The following APOBEC3G variants were observed in gnomAD, a reference collection of about 807,000 sequenced individuals.
APOBEC3G encodes the protein apolipoprotein B mRNA editing enzyme catalytic subunit 3G, also known as DNA dC->dU-editing enzyme APOBEC-3G.
APOBEC3G carries 44 observed loss-of-function variants against 50.0 expected under a neutral mutation model. The observed-to-expected ratio is 0.88, with a 90% CI of 0.69 to 1.13. The LOEUF is 1.13. Ranked by LOEUF, APOBEC3G falls within the 50% of genes most tolerant of loss-of-function variation. The pLI is 0.00. For synonymous variants in APOBEC3G, 156 were observed against 175.3 expected, an observed-to-expected ratio of 0.89 and a Z score of 0.87; for missense variants, 469 against 492.0, an observed-to-expected ratio of 0.95 and a Z score of 0.44.
intron 3 of APOBEC3G, 79 bp downstream of exon 3, chr22:39,081,306 G>T: frequency 6.4e-7 from 1 of 1,573,526 alleles, no homozygotes; most frequent in Non-Finnish European, 8.6e-7. Flanking sequence ...ATACCTGTGG[G>T]TCTGCTCTGA....
At position 39,083,991 on chromosome 22, in the gene APOBEC3G, A is replaced by T. The variant is rs1346107652; in HGVS notation, c.735+107A>T. On this transcript the variant is annotated intron_variant, in intron 5 of 7. Coordinates refer to ENST00000407997, the MANE Select transcript of APOBEC3G (RefSeq NM_021822.4). ...TGTGGTGTCCTGCAGAGTGTCTGTCACCTGTGCTTCCTGTAGCTGCTGCTG... is the reference window on the plus strand; with the variant it reads ...TGTGGTGTCCTGCAGAGTGTCTGTCTCCTGTGCTTCCTGTAGCTGCTGCTG... The T allele has an allele frequency of 8.8e-6, 12 of 1,362,982 alleles. No homozygotes were observed. The East Asian group carries it at 2.7e-4, about 31-fold the overall frequency. The allele number at this position is 1,362,982 out of a possible 1,614,324, so 84.4% of individuals were successfully genotyped here. A position where few individuals can be genotyped will look rare whatever the true frequency, so the allele number is the denominator to read the frequency against.
intron 4 of APOBEC3G, chr22:39,083,217 G>T (rs1245302475): frequency 6.6e-6 from 1 of 152,378 alleles, no homozygotes; most frequent in Non-Finnish European, 1.5e-5. Flanking sequence ...GGCAACAGAA[G>T]AAATCCTGTG....
intron 1 of APOBEC3G, chr22:39,078,721 T>TC: frequency 1.9e-6 from 1 of 536,442 alleles, no homozygotes; most frequent in Non-Finnish European, 3.1e-6. Flanking sequence ...TCTCTCTCTC[T>TC]TTTTTTTTGA....
intron 4 of APOBEC3G, 61 bp downstream of exon 4, chr22:39,081,646 G>A: frequency 7.2e-7 from 1 of 1,388,392 alleles, no homozygotes; most frequent in Admixed American, 1.7e-5. Flanking sequence ...ATCCTCTTGA[G>A]GCCTCCCCTC....
intron 2 of APOBEC3G, 127 bp from the exon 3 acceptor site, chr22:39,080,806 T>C (rs1176715394): frequency 4.8e-6 from 4 of 833,186 alleles, no homozygotes; most frequent in African/African-American, 1.7e-5. Flanking sequence ...AACAGGGGGA[T>C]GGAGGAAAGG....
intron 5 of APOBEC3G, 53 bp from the exon 6 acceptor site, chr22:39,086,226 A>G (rs1303602529): frequency 3.3e-6 from 5 of 1,518,710 alleles, no homozygotes; most frequent in Non-Finnish European, 4.4e-6. Context: ...ACAAGAGTGA[A>G]ACTCTGTCTC....
In APOBEC3G at chr22:39,081,758, C is replaced by T. The variant is rs187040066; in HGVS notation, c.581+173C>T. 335 of 573,470 alleles carry T rather than the reference C, an allele frequency of 5.8e-4. 6 individuals are homozygous for T. In the East Asian group the frequency reaches 9.1e-3, roughly 16 times the overall value. 35.5% of individuals were successfully genotyped at this position (573,470 alleles called of 1,614,324 possible). A position where few individuals can be genotyped will look rare whatever the true frequency, so the allele number is the denominator to read the frequency against. On this transcript the variant is annotated intron_variant, in intron 4 of 7. Coordinates refer to ENST00000407997, the MANE Select transcript of APOBEC3G (RefSeq NM_021822.4). The stretch of plus-strand genomic sequence containing the variant: ...TCCCTCACCCACACTCCTCGTGCTC[C>T]CTCCACCTCCCTGCCTCCCACCTGC...
chr22:39,087,717 T>G lies in APOBEC3G; in HGVS notation c.*296T>G, dbSNP rs1928761092. On this transcript the variant is annotated 3_prime_UTR_variant, in exon 8 of 8. Coordinates refer to ENST00000407997, the MANE Select transcript of APOBEC3G (RefSeq NM_021822.4). Reference sequence around the variant, plus strand: ...TGAATCGGTTTTGTAGGTAGAGGAATAAAATGAAATACTAAATCTTTCTGT... The same window carrying G: ...TGAATCGGTTTTGTAGGTAGAGGAAGAAAATGAAATACTAAATCTTTCTGT... 1 of 471,152 alleles carries G rather than the reference T, an allele frequency of 2.1e-6. No individual in the cohort carries two copies. The highest frequency in any genetic ancestry group is 2.0e-5 in the African/African-American group (1 of 51,182). The allele number at this position is 471,152 out of a possible 1,614,324, so 29.2% of individuals were successfully genotyped here.
chr22:39,085,186 G>A (rs1265284332), intron 5 of APOBEC3G, among the ~76,000 whole-genome samples: 3 of 152,234 alleles, frequency 2.0e-5, no homozygotes, highest in Non-Finnish European at 4.4e-5. Context: ...GCTCAACAAG[G>A]ACAATCACCC....
At position 39,087,734 on chromosome 22, in the gene APOBEC3G, T is replaced by C. The variant is rs550756271; in HGVS notation, c.*313T>C. The C allele has an allele frequency of 1.8e-4, 76 of 421,040 alleles. No individual in the cohort carries two copies. The highest frequency in any genetic ancestry group is 1.4e-3 in the African/African-American group (70 of 49,974). The allele number at this position is 421,040 out of a possible 1,614,324, so 26.1% of individuals were successfully genotyped here. On this transcript the variant is annotated 3_prime_UTR_variant, in exon 8 of 8. Coordinates refer to ENST00000407997, the MANE Select transcript of APOBEC3G (RefSeq NM_021822.4). ...TAGAGGAATAAAATGAAATACTAAA[T>C]CTTTCTGTATATGTTTCCCTGTGTG...
At chr22:39,079,430 G>A (rs1341117145) in intron 2 of APOBEC3G, 3 of 200,768 alleles carry the variant, frequency 1.5e-5, no homozygotes, top group South Asian at 1.0e-4. Flanking sequence ...CGATGCTGTC[G>A]CCTCAGACTC....
At chr22:39,080,207 G>A in intron 2 of APOBEC3G, 2 of 793,624 alleles carry the variant, frequency 2.5e-6, no homozygotes, top group Non-Finnish European at 3.2e-6. Flanking sequence ...GAACAAGGCA[G>A]ACCCTAGAGG....
At chr22:39,081,329 C>A in intron 3 of APOBEC3G, 102 bp downstream of exon 3, 2 of 1,553,458 alleles carry the variant, frequency 1.3e-6, no homozygotes, top group Non-Finnish European at 1.7e-6. Flanking sequence ...CCTGCAAAGG[C>A]CAAGTGTCCC....
At chr22:39,078,903 A>T (rs1204128851) in intron 1 of APOBEC3G, 29 bp from the exon 2 acceptor site, 1 of 1,612,492 alleles carries the variant, frequency 6.2e-7, no homozygotes, top group East Asian at 2.2e-5. Context: ...TGCTCTCTAC[A>T]TTGGCTGGTT....
In APOBEC3G at chr22:39,081,876, T is replaced by G. The variant is rs917241263; in HGVS notation, c.581+291T>G. The G allele has an allele frequency of 3.3e-5, 12 of 364,520 alleles. No homozygotes were observed. In the South Asian group the frequency reaches 3.8e-4, roughly 12 times the overall value. 22.6% of individuals were successfully genotyped at this position (364,520 alleles called of 1,614,324 possible). A position where few individuals can be genotyped will look rare whatever the true frequency, so the allele number is the denominator to read the frequency against. The stretch of plus-strand genomic sequence containing the variant: ...AGCCTGGGAGCCCCAACCTGGCCCC[T>G]TCCATCTCCCTGGCATAACCGAATT... On this transcript the variant is annotated intron_variant, in intron 4 of 7. Transcript: ENST00000407997.
At chr22:39,082,217 C>A (rs1928498452) in intron 4 of APOBEC3G, 1 of 153,344 alleles carries the variant, frequency 6.5e-6, no homozygotes, top group Non-Finnish European at 1.5e-5. Flanking sequence ...CCTCTGTGCA[C>A]CTGCACTCGT....
Position 39,079,216 on chromosome 22 carries a change from C to T in APOBEC3G, c.171+131C>T, listed in dbSNP as rs541549222. 1.4e-5 allele frequency: 18 copies of T among 1,321,324 alleles called. No individual in the cohort carries two copies. The African/African-American group carries it at 1.6e-4, about 12-fold the overall frequency. The allele number at this position is 1,321,324 out of a possible 1,614,324, so 81.8% of individuals were successfully genotyped here. Reference sequence around the variant, plus strand: ...CCTTCTCTCCCACACTTTCCAAGTCCGTGGCCCTGACCTTCCTGCTGGACC... The same window carrying T: ...CCTTCTCTCCCACACTTTCCAAGTCTGTGGCCCTGACCTTCCTGCTGGACC... On this transcript the variant is annotated intron_variant, in intron 2 of 7. Transcript: ENST00000407997.
In APOBEC3G at chr22:39,084,205, G is replaced by T. The variant is rs1601523758; in HGVS notation, c.735+321G>T. 2.0e-5 allele frequency among the ~76,000 whole-genome samples: 3 copies of T among 152,264 alleles called. No individual in the cohort carries two copies. In the East Asian group the frequency reaches 5.8e-4, roughly 29 times the overall value. ...GAGAGGGTCAGGGCAGAGGAAAAGG[G>T]TCTGCACCAGGGCCAAGTGGGATCA... On this transcript the variant is annotated intron_variant, in intron 5 of 7. Coordinates refer to ENST00000407997, the MANE Select transcript of APOBEC3G (RefSeq NM_021822.4).
At chr22:39,078,079 G>C (rs1334516788) in intron 1 of APOBEC3G, among the ~76,000 whole-genome samples, 1 of 152,134 alleles carries the variant, frequency 6.6e-6, no homozygotes, top group Non-Finnish European at 1.5e-5. Flanking sequence ...GACCAGCATG[G>C]ATAAACCCTG....
Sources: allele counts gnomAD v4.1 joint callset (sites outside exome capture counted in the v4.1 genomes callset), GRCh38; gene constraint gnomAD v4.1.1; transcripts MANE v1.5; gene names NCBI Gene and HGNC (gene_info 2026-07-23, HGNC 2026-07-21).